ZFAND3: variants seen among roughly 807,000 people sequenced by gnomAD.
ZFAND3 encodes AN1-type zinc finger protein 3.
In ZFAND3, 10 loss-of-function variants were observed where a neutral mutation model predicts 29.6. The ratio of observed to expected loss-of-function variants is 0.34; its 90% CI spans 0.21 to 0.57. The LOEUF (loss-of-function observed/expected upper bound fraction) is 0.57. Ranked by LOEUF, ZFAND3 falls within the 20% of genes least tolerant of loss-of-function variation. ZFAND3 has a pLI of 0.86. For synonymous variants in ZFAND3, 128 were observed against 112.6 expected (o/e 1.14, Z -0.87); for missense variants, 230 against 304.5 (o/e 0.76, Z 1.82).
At chr6:37,969,465 A>G (rs1762347952) in intron 2 of ZFAND3, among the ~76,000 whole-genome samples, 2 of 152,208 alleles carry the variant, frequency 1.3e-5, no homozygotes, top group Non-Finnish European at 2.9e-5. Context: ...AGTCGGGCAA[A>G]AATCATGTAA....
In ZFAND3 at chr6:38,120,320, CT is replaced by C. The variant is rs70981523; in HGVS notation, c.529+3611del. Among the ~76,000 whole-genome samples, 329 of 60,668 alleles carry C rather than the reference CT, an allele frequency of 5.4e-3. 1 individual carries two copies. Among genetic ancestry groups the C allele is most frequent in the African/African-American group, 0.016 (279 of 17,730 alleles). The allele number at this position is 60,668 out of a possible 152,430, so 39.8% of individuals were successfully genotyped here. On this transcript the variant is annotated intron_variant, in intron 5 of 5. Coordinates refer to ENST00000287218, the MANE Select transcript of ZFAND3 (RefSeq NM_021943.3). ...TGATTGATACACGTAGCTTGGCTTC[CT>C]TTTTTTTTTTTTTTTTTTTTTTTTT...
chr6:38,061,501 G>A (rs1764238892), intron 2 of ZFAND3, 92 bp from the exon 3 acceptor site: 4 of 1,457,592 alleles, frequency 2.7e-6, no homozygotes, highest in Non-Finnish European at 3.7e-6. Flanking sequence ...TATTGGTGTT[G>A]TTGCATTTAA....
At chr6:38,131,087 T>G (rs1765733193) in intron 5 of ZFAND3, among the ~76,000 whole-genome samples, 1 of 152,230 alleles carries the variant, frequency 6.6e-6, no homozygotes, top group Non-Finnish European at 1.5e-5. Flanking sequence ...TTTTCTAGTT[T>G]ATGTGCATAA....
At chr6:38,081,159 CT>C (rs200659624) in intron 3 of ZFAND3, among the ~76,000 whole-genome samples, 178 of 143,500 alleles carry the variant, frequency 1.2e-3, no homozygotes, top group Middle Eastern at 3.5e-3. Flanking sequence ...GAAGTTTTTT[CT>C]TTTTTTTTTT....
chr6:38,037,883 A>G (rs1315320388), intron 2 of ZFAND3, among the ~76,000 whole-genome samples: 1 of 152,248 alleles, frequency 6.6e-6, no homozygotes, highest in Admixed American at 6.5e-5. Flanking sequence ...AGTTGTATGA[A>G]TCAAAGATTA....
At chr6:37,936,653 A>T (rs147006177) in intron 2 of ZFAND3, among the ~76,000 whole-genome samples, 1 of 152,358 alleles carries the variant, frequency 6.6e-6, no homozygotes, top group African/African-American at 2.4e-5. Context: ...GGAAGATGAC[A>T]TGAAAAATTT....
chr6:37,995,142 A>G (rs1044798963), intron 2 of ZFAND3, among the ~76,000 whole-genome samples: 5 of 152,216 alleles, frequency 3.3e-5, no homozygotes, highest in African/African-American at 1.2e-4. Context: ...TGGGTGCAGT[A>G]TGCCATGTCA....
intron 2 of ZFAND3, among the ~76,000 whole-genome samples, chr6:37,961,581 C>T (rs1762196356): frequency 6.6e-6 from 1 of 152,204 alleles, no homozygotes; most frequent in African/African-American, 2.4e-5. Flanking sequence ...CAGGTTTGAC[C>T]CAGCGAAGTC....
chr6:38,140,486 G>A (rs6458042), intron 5 of ZFAND3, among the ~76,000 whole-genome samples: 95,969 of 151,926 alleles, frequency 0.63, 31,086 homozygotes, highest in African/African-American at 0.75. Context: ...GGCTCCATTC[G>A]TAGGGTGTTT....
At chr6:38,079,019 G>A (rs570983010) in intron 3 of ZFAND3, among the ~76,000 whole-genome samples, 2 of 152,278 alleles carry the variant, frequency 1.3e-5, no homozygotes, top group African/African-American at 4.8e-5. Flanking sequence ...ACAGAAACCT[G>A]AAAACATTTT....
chr6:37,820,003 T>C lies in ZFAND3; in HGVS notation c.58T>C (p.Cys20Arg). The change falls in exon 1 of 6, where the codon TGC becomes CGC. Residue 20 changes from cysteine to arginine, a missense_variant. Around this residue, in one of 2 missense-constraint regions of ZFAND3, gnomAD observed 180 missense variants for 202.5 expected, o/e 0.89. Transcript: ENST00000287218. ...GCCCAGCCTGCCGCCTCGCTGTCCC[T>C]GCGGCTTCTGGGGGTAAGTGCCCGG... ...KAPSLPPRCP[C>R]GFWGSSKTMN... 1 of 1,209,342 alleles carries C rather than the reference T, an allele frequency of 8.3e-7. No homozygotes were observed. Among genetic ancestry groups the C allele is most frequent in the Non-Finnish European group, 1.0e-6 (1 of 972,288 alleles). 74.9% of individuals were successfully genotyped at this position (1,209,342 alleles called of 1,614,324 possible).
chr6:38,129,187 T>G (rs530250177), intron 5 of ZFAND3, among the ~76,000 whole-genome samples: 1 of 152,282 alleles, frequency 6.6e-6, no homozygotes, highest in African/African-American at 2.4e-5. Flanking sequence ...TTTTTTCTTG[T>G]TGATTTGTTT....
intron 1 of ZFAND3, among the ~76,000 whole-genome samples, chr6:37,902,230 C>T (rs746195435): frequency 6.6e-6 from 1 of 152,096 alleles, no homozygotes; most frequent in African/African-American, 2.4e-5. Context: ...AGGAGGATTG[C>T]TTGAGCCTAG....
Position 37,987,863 on chromosome 6 carries a change from A to G in ZFAND3, c.112+57864A>G, listed in dbSNP as rs16890298. Among the ~76,000 whole-genome samples the G allele has an allele frequency of 0.015, 2,360 of 152,320 alleles. 250 individuals are homozygous for G. The East Asian group carries it at 0.28, about 18-fold the overall frequency. On this transcript the variant is annotated intron_variant, in intron 2 of 5. Transcript: ENST00000287218. ...AGCTGCCCTTTCTTTAGAAAGTTGC[A>G]TTATTACTGTTGGACATGCCTTCAA...
intron 2 of ZFAND3, among the ~76,000 whole-genome samples, chr6:37,933,321 T>C (rs1761633155): frequency 6.6e-6 from 1 of 152,196 alleles, no homozygotes; most frequent in Non-Finnish European, 1.5e-5. Context: ...TTGAATGAAA[T>C]GGGAAAAACA....
At chr6:38,000,354 G>T (rs974408192) in intron 2 of ZFAND3, among the ~76,000 whole-genome samples, 1 of 152,146 alleles carries the variant, frequency 6.6e-6, no homozygotes, top group African/African-American at 2.4e-5. Context: ...CATAGATCCT[G>T]ACTGTATTTA....
At chr6:37,874,667 T>TC (rs1365273555) in intron 1 of ZFAND3, among the ~76,000 whole-genome samples, 2 of 152,178 alleles carry the variant, frequency 1.3e-5, no homozygotes, top group African/African-American at 4.8e-5. Flanking sequence ...AGGTTAGGTC[T>TC]CCAACATATC....
At chr6:37,836,257 A>G (rs770344692) in intron 1 of ZFAND3, among the ~76,000 whole-genome samples, 2 of 152,070 alleles carry the variant, frequency 1.3e-5, no homozygotes, top group Non-Finnish European at 2.9e-5. Context: ...TAAGGTTTGG[A>G]TAGTTCATCC....
intron 5 of ZFAND3, among the ~76,000 whole-genome samples, chr6:38,131,454 T>G (rs1765740065): frequency 6.6e-6 from 1 of 152,242 alleles, no homozygotes; most frequent in South Asian, 2.1e-4. Flanking sequence ...TACCCCCAAG[T>G]TAGACCATAC....
Sources: allele counts gnomAD v4.1 joint callset (sites outside exome capture counted in the v4.1 genomes callset), GRCh38; gene constraint gnomAD v4.1.1; regional missense constraint gnomAD v4.1.1; transcripts MANE v1.5; gene names NCBI Gene and HGNC (gene_info 2026-07-23, HGNC 2026-07-21).